GMPR: variants seen among roughly 807,000 people sequenced by gnomAD.
The protein encoded by GMPR is GMP reductase 1.
A neutral mutation model predicts 38.4 loss-of-function variants in GMPR; 31 were observed. The ratio of observed to expected loss-of-function variants is 0.81; its 90% confidence interval spans 0.61 to 1.09. The LOEUF is 1.09. Ranked by LOEUF, GMPR falls within the 50% of genes least tolerant of loss-of-function variation. The probability of loss-of-function intolerance (pLI) is 0.00; values close to 1 mark genes in which losing one functional copy is unlikely to be tolerated. For missense variants in GMPR, 468 were observed against 453.7 expected (o/e 1.03, Z -0.29); for synonymous variants, 162 against 173.3 (o/e 0.93, Z 0.51).
chr6:16,247,750 AG>A (rs1758788343), intron 2 of GMPR, among the ~76,000 whole-genome samples: 1 of 151,718 alleles, frequency 6.6e-6, no homozygotes, highest in Admixed American at 6.6e-5. Context: ...CAGAGAGGGG[AG>A]GGGTAGGTCA....
At chr6:16,247,084 C>T in intron 2 of GMPR, 123 bp downstream of exon 2, 1 of 861,312 alleles carries the variant, frequency 1.2e-6, no homozygotes, top group South Asian at 1.8e-5. Context: ...TTGGGTCATT[C>T]TCTGTCTTTC....
At chr6:16,270,787 T>A (rs1329752937) in intron 4 of GMPR, among the ~76,000 whole-genome samples, 3 of 152,164 alleles carry the variant, frequency 2.0e-5, no homozygotes, top group Non-Finnish European at 1.5e-5. Context: ...GTGACCACAT[T>A]TGGACCATGG....
intron 4 of GMPR, among the ~76,000 whole-genome samples, chr6:16,267,846 G>A (rs933587603): frequency 7.2e-5 from 11 of 152,326 alleles, no homozygotes; most frequent in South Asian, 2.1e-4. Flanking sequence ...GGGCAATGCC[G>A]TGTCAGCTGC....
intron 1 of GMPR, among the ~76,000 whole-genome samples, chr6:16,239,818 G>A (rs1758611945): frequency 6.6e-6 from 1 of 152,364 alleles, no homozygotes; most frequent in Non-Finnish European, 1.5e-5. Context: ...AAGCCTCCGC[G>A]TTAGCCAATG....
At chr6:16,275,796 G>T (rs9477076) in intron 5 of GMPR, among the ~76,000 whole-genome samples, 1 of 152,212 alleles carries the variant, frequency 6.6e-6, no homozygotes, top group Admixed American at 6.5e-5. Context: ...GGTGGCTCAC[G>T]CCTGGTCTCC....
intron 4 of GMPR, among the ~76,000 whole-genome samples, chr6:16,260,890 A>G (rs1247304199): frequency 2.0e-5 from 3 of 152,066 alleles, no homozygotes. Context: ...AGTCCGGGCC[A>G]GGAACAATGG....
intron 7 of GMPR, among the ~76,000 whole-genome samples, chr6:16,287,459 C>T (rs1437707157): frequency 6.6e-6 from 1 of 152,228 alleles, no homozygotes; most frequent in African/African-American, 2.4e-5. Context: ...GTGCCATTCC[C>T]TCCTCCACTG....
intron 4 of GMPR, among the ~76,000 whole-genome samples, chr6:16,268,356 C>T (rs1315186996): frequency 1.3e-5 from 2 of 152,134 alleles, no homozygotes; most frequent in Non-Finnish European, 2.9e-5. Context: ...ACTCTGTTGC[C>T]CAGGCTGGAG....
At chr6:16,246,154 C>T (rs1052222545) in intron 1 of GMPR, among the ~76,000 whole-genome samples, 26 of 152,146 alleles carry the variant, frequency 1.7e-4, no homozygotes, top group Admixed American at 9.2e-4. Flanking sequence ...CTATCTAGCA[C>T]GTGGCTTCTG....
At chr6:16,239,338 C>T (rs1280172226) in intron 1 of GMPR, among the ~76,000 whole-genome samples, 3 of 152,184 alleles carry the variant, frequency 2.0e-5, no homozygotes, top group African/African-American at 4.8e-5. Flanking sequence ...CGGTACTGGA[C>T]AGCCCGCGGT....
intron 6 of GMPR, among the ~76,000 whole-genome samples, chr6:16,284,699 G>C (rs1234667051): frequency 2.6e-5 from 4 of 152,134 alleles, no homozygotes; most frequent in Non-Finnish European, 4.4e-5. Flanking sequence ...AGCAGCCTGG[G>C]CATTTGGTGT....
At position 16,253,619 on chromosome 6, in the gene GMPR, G is replaced by C. The variant is rs943045669; in HGVS notation, c.292-943G>C. ...TCCCACCAGGCCCCACCTCCACTGG[G>C]GGGGGGTCATATTTCAACATGAGAT... On this transcript the variant is annotated intron_variant, in intron 3 of 8. Coordinates refer to ENST00000259727, the MANE Select transcript of GMPR (RefSeq NM_006877.4). Among the ~76,000 whole-genome samples the C allele has an allele frequency of 5.3e-5, 8 of 152,182 alleles. 1 individual carries two copies. The highest frequency in any genetic ancestry group is 2.0e-4 in the Admixed American group (3 of 15,284).
chr6:16,256,988 TAGC>T (rs1758993849), intron 4 of GMPR, among the ~76,000 whole-genome samples: 2 of 152,204 alleles, frequency 1.3e-5, no homozygotes, highest in South Asian at 4.1e-4. Context: ...TCCTGGGTGA[TAGC>T]AGCACAGCTG....
chr6:16,264,757 C>CTT (rs1759157996), intron 4 of GMPR, among the ~76,000 whole-genome samples: 1 of 152,114 alleles, frequency 6.6e-6, no homozygotes, highest in African/African-American at 2.4e-5. Context: ...ACAATGTCAT[C>CTT]AGTTAAGGCA....
At chr6:16,260,895 C>A (rs1759070703) in intron 4 of GMPR, among the ~76,000 whole-genome samples, 1 of 151,902 alleles carries the variant, frequency 6.6e-6, no homozygotes, top group Admixed American at 6.6e-5. Flanking sequence ...GGGCCAGGAA[C>A]AATGGTAATT....
intron 6 of GMPR, among the ~76,000 whole-genome samples, chr6:16,280,059 G>A (rs954799043): frequency 1.3e-5 from 2 of 152,194 alleles, no homozygotes; most frequent in African/African-American, 4.8e-5. Flanking sequence ...AGAAGGAGAA[G>A]GAGGAGCAAG....
intron 1 of GMPR, 87 bp downstream of exon 1, chr6:16,238,867 T>C: frequency 1.8e-6 from 1 of 563,718 alleles, no homozygotes; most frequent in South Asian, 3.0e-5. Context: ...TGGCACCGGG[T>C]TACCCTGCCT....
rs371116639 is a variant in GMPR at position 16,254,571 on chromosome 6, G to A, written c.301G>A (p.Val101Met). 33 of 1,613,430 alleles carry A rather than the reference G, an allele frequency of 2.0e-5. No homozygotes were observed. Among genetic ancestry groups the A allele is most frequent in the South Asian group, 4.4e-5 (4 of 91,064 alleles). The part of the protein sequence containing the change: ...NHPECLQNVA[V>M]SSGSGQNDLE... Reference sequence around the variant, plus strand: ...GTTTATTTTGGTGCAGAATGTAGCCGTGAGTTCAGGCAGTGGGCAGAATGA... The same window carrying A: ...GTTTATTTTGGTGCAGAATGTAGCCATGAGTTCAGGCAGTGGGCAGAATGA... The change falls in exon 4 of 9, where the codon GTG becomes ATG. Residue 101 changes from valine to methionine, a missense_variant. Physicochemically the swap from Val to Met is conservative, Grantham distance 21. Coordinates refer to ENST00000259727, the MANE Select transcript of GMPR (RefSeq NM_006877.4).
intron 5 of GMPR, 95 bp downstream of exon 5, chr6:16,274,591 A>G (rs1759444318): frequency 5.4e-6 from 4 of 746,500 alleles, no homozygotes; most frequent in South Asian, 4.5e-5. Flanking sequence ...GGATGCATGA[A>G]TGACTCATTC....
Sources: gnomAD v4.1 joint callset for allele counts (sites outside exome capture counted in the v4.1 genomes callset) on GRCh38, gnomAD v4.1.1 for gene constraint, MANE v1.5 for transcripts, NCBI Gene and HGNC (gene_info 2026-07-23, HGNC 2026-07-21) for gene names.